Variants in ALK observed in about 807,000 individuals in gnomAD.
ALK encodes ALK receptor tyrosine kinase, also known as ALK tyrosine kinase receptor.
In ALK, 74 loss-of-function variants were observed where a neutral mutation model predicts 163.1. That is an observed-to-expected ratio of 0.45 (90% CI 0.38 to 0.55). ALK has a LOEUF of 0.55. ALK is among the 20% of genes least tolerant of loss of function. The probability of loss-of-function intolerance (pLI) is 0.00; values close to 1 mark genes in which losing one functional copy is unlikely to be tolerated. For missense variants in ALK, 2,063 were observed against 2,105.3 expected (o/e 0.98, Z 0.39); for synonymous variants, 960 against 843.2 (o/e 1.14, Z -2.40).
At chr2:29,364,507 A>G (rs986693739) in intron 5 of ALK, among the ~76,000 whole-genome samples, 3 of 152,224 alleles carry the variant, frequency 2.0e-5, no homozygotes, top group African/African-American at 7.2e-5. Context: ...TCTGAAGGAC[A>G]CACCATCCTT....
At chr2:29,330,488 C>T (rs764635233) in intron 5 of ALK, among the ~76,000 whole-genome samples, 32 of 152,146 alleles carry the variant, frequency 2.1e-4, no homozygotes, top group Non-Finnish European at 4.0e-4. Context: ...GTGAGCTTGG[C>T]GTTCACCCCA....
chr2:29,379,857 G>A (rs549047039), intron 5 of ALK, among the ~76,000 whole-genome samples: 3 of 152,080 alleles, frequency 2.0e-5, no homozygotes, highest in Admixed American at 6.6e-5. Context: ...AGTCAGAAGG[G>A]TATATCCAAG....
At chr2:29,909,476 C>CAG (rs1313074824) in intron 1 of ALK, among the ~76,000 whole-genome samples, 5 of 96,706 alleles carry the variant, frequency 5.2e-5, no homozygotes, top group Admixed American at 1.2e-4. Flanking sequence ...GAGAGACAGA[C>CAG]AGACAGAGAG....
At chr2:29,599,887 G>T (rs1675334244) in intron 3 of ALK, among the ~76,000 whole-genome samples, 1 of 152,178 alleles carries the variant, frequency 6.6e-6, no homozygotes, top group African/African-American at 2.4e-5. Flanking sequence ...CCCTCATGAG[G>T]CTGGGGGCTG....
At chr2:29,833,129 A>G (rs1280886876) in intron 1 of ALK, among the ~76,000 whole-genome samples, 1 of 152,236 alleles carries the variant, frequency 6.6e-6, no homozygotes, top group Non-Finnish European at 1.5e-5. Flanking sequence ...CTCCGGCCAC[A>G]TAGAGCCCTC....
intron 23 of ALK, among the ~76,000 whole-genome samples, chr2:29,216,734 TTGTG>T (rs557227524): frequency 2.0e-5 from 3 of 147,830 alleles, no homozygotes; most frequent in African/African-American, 5.0e-5. Flanking sequence ...GTATATGTGT[TTGTG>T]TTTTGTGTAC....
intron 3 of ALK, among the ~76,000 whole-genome samples, chr2:29,553,213 C>T (rs529924794): frequency 6.6e-6 from 1 of 152,226 alleles, no homozygotes; most frequent in African/African-American, 2.4e-5. Flanking sequence ...TGAATTAGTG[C>T]CTTGTAAAAA....
At chr2:29,407,236 C>T (rs968491297) in intron 4 of ALK, among the ~76,000 whole-genome samples, 1 of 152,186 alleles carries the variant, frequency 6.6e-6, no homozygotes, top group African/African-American at 2.4e-5. Context: ...ATAAATAAAC[C>T]TATGAATCAA....
intron 4 of ALK, among the ~76,000 whole-genome samples, chr2:29,403,962 A>C (rs1372755785): frequency 6.6e-6 from 1 of 152,088 alleles, no homozygotes; most frequent in Admixed American, 6.6e-5. Context: ...TCTTAAAAAT[A>C]CAGCACTGAC....
intron 16 of ALK, 62 bp downstream of exon 16, chr2:29,228,822 G>T: frequency 9.0e-7 from 1 of 1,105,434 alleles, no homozygotes; most frequent in Non-Finnish European, 1.4e-6. Context: ...GCAGGGCAGG[G>T]AGGTGAGGAG....
intron 1 of ALK, among the ~76,000 whole-genome samples, chr2:29,719,859 C>T (rs1053527489): frequency 2.0e-5 from 3 of 152,254 alleles, no homozygotes; most frequent in African/African-American, 7.2e-5. Context: ...CAGAGGCCAC[C>T]ACTGAGCATG....
intron 20 of ALK, 62 bp from the exon 21 acceptor site, chr2:29,222,669 G>A (rs2148169623): frequency 1.4e-6 from 2 of 1,477,218 alleles, no homozygotes; most frequent in South Asian, 2.4e-5. Context: ...GAGGCAGCTG[G>A]GGGTCCTGAG....
chr2:29,312,046 T>G (rs1024018743), intron 8 of ALK, among the ~76,000 whole-genome samples: 11 of 151,752 alleles, frequency 7.2e-5, no homozygotes, highest in African/African-American at 2.2e-4. Flanking sequence ...GCCACTGAGC[T>G]GGGCAACACC....
At chr2:29,714,576 A>C (rs940011122) in intron 2 of ALK, among the ~76,000 whole-genome samples, 2 of 152,092 alleles carry the variant, frequency 1.3e-5, no homozygotes, top group African/African-American at 2.4e-5. Context: ...CAGGTTGTTG[A>C]TGCTCACTCT....
At chr2:29,670,036 T>C (rs936409312) in intron 3 of ALK, among the ~76,000 whole-genome samples, 47 of 152,146 alleles carry the variant, frequency 3.1e-4, no homozygotes, top group Non-Finnish European at 2.8e-4. Context: ...ATATTAGAGT[T>C]ATAAGTGAAT....
chr2:29,418,637 G>T (rs1387787296), intron 4 of ALK, among the ~76,000 whole-genome samples: 2 of 152,168 alleles, frequency 1.3e-5, no homozygotes, highest in African/African-American at 4.8e-5. Context: ...GTGACAACAT[G>T]TGGTATATGA....
chr2:29,677,056 T>A lies in ALK; in HGVS notation c.952+17794A>T, dbSNP rs575613362. 2.9e-4 allele frequency among the ~76,000 whole-genome samples: 44 copies of A among 152,208 alleles called. 1 individual carries two copies. The South Asian group carries it at 3.7e-3, about 13-fold the overall frequency. ...GTGAATTCTTTTGGGATTTTCTACC[T>A]AAAATTCATCTTATCTGCTAATAAA... On this transcript the variant is annotated intron_variant, in intron 3 of 28. Transcript: ENST00000389048.
At chr2:29,275,584 C>T (rs1459107274) in intron 9 of ALK, 88 bp from the exon 10 acceptor site, 2 of 1,377,236 alleles carry the variant, frequency 1.5e-6, no homozygotes, top group Non-Finnish European at 2.1e-6. Flanking sequence ...TGCTGATCAC[C>T]TGGCTCAGAA....
chr2:29,552,426 C>G (rs1673736831), intron 3 of ALK, among the ~76,000 whole-genome samples: 1 of 152,168 alleles, frequency 6.6e-6, no homozygotes, highest in Non-Finnish European at 1.5e-5. Context: ...AGCCACCAGA[C>G]TGTTTTCCAT....
Sources: gnomAD v4.1 joint callset for allele counts (sites outside exome capture counted in the v4.1 genomes callset) on GRCh38, gnomAD v4.1.1 for gene constraint, MANE v1.5 for transcripts, NCBI Gene and HGNC (gene_info 2026-07-23, HGNC 2026-07-21) for gene names.